Variants in BNC2 observed in about 807,000 individuals in gnomAD.
The protein encoded by BNC2 is zinc finger protein basonuclin-2.
In BNC2, 20 loss-of-function variants were observed where a neutral mutation model predicts 76.3. That is an observed-to-expected ratio of 0.26 (90% CI 0.18 to 0.38). The LOEUF is 0.38. Ranked by LOEUF, BNC2 falls within the 10% of genes least tolerant of loss-of-function variation. BNC2 has a pLI of 1.00. For missense variants in BNC2, 1,382 were observed against 1,399.8 expected (o/e 0.99, Z 0.20); for synonymous variants, 582 against 514.8 (o/e 1.13, Z -1.77).
At chr9:16,862,650 A>G (rs1275994774) in intron 1 of BNC2, among the ~76,000 whole-genome samples, 3 of 152,158 alleles carry the variant, frequency 2.0e-5, no homozygotes, top group Non-Finnish European at 4.4e-5. Context: ...ACTGCCATGT[A>G]TTCCTCTCTC....
chr9:16,434,895 A>G (rs1820973629), intron 6 of BNC2: 1 of 463,954 alleles, frequency 2.2e-6, no homozygotes, highest in Admixed American at 2.3e-5. Flanking sequence ...GTTAAGATAA[A>G]GAAACCCACA....
intron 3 of BNC2, among the ~76,000 whole-genome samples, chr9:16,706,543 T>C (rs1292620461): frequency 6.6e-6 from 1 of 152,158 alleles, no homozygotes; most frequent in Admixed American, 6.5e-5. Context: ...AAATACAAAA[T>C]GATGATCTCA....
intron 3 of BNC2, among the ~76,000 whole-genome samples, chr9:16,723,924 A>G (rs1375532477): frequency 1.3e-5 from 2 of 152,104 alleles, no homozygotes; most frequent in African/African-American, 4.8e-5. Flanking sequence ...AAGCAACTGT[A>G]AGAGAATGTC....
intron 4 of BNC2, among the ~76,000 whole-genome samples, chr9:16,560,209 C>T (rs1440711018): frequency 6.6e-6 from 1 of 152,090 alleles, no homozygotes; most frequent in Non-Finnish European, 1.5e-5. Context: ...CTGGCCAGGA[C>T]CATACTCTGA....
chr9:16,660,180 C>A (rs759903939), intron 3 of BNC2, among the ~76,000 whole-genome samples: 1 of 152,128 alleles, frequency 6.6e-6, no homozygotes, highest in Non-Finnish European at 1.5e-5. Flanking sequence ...TGGGGCCGGG[C>A]GCGGTGGCTC....
chr9:16,771,358 C>G (rs374200243), intron 1 of BNC2, among the ~76,000 whole-genome samples: 36 of 152,174 alleles, frequency 2.4e-4, no homozygotes, highest in African/African-American at 8.0e-4. Context: ...AATAATAAAT[C>G]TTTCAACAGA....
chr9:16,599,832 T>A (rs79429055), intron 3 of BNC2, among the ~76,000 whole-genome samples: 1 of 152,314 alleles, frequency 6.6e-6, no homozygotes, highest in East Asian at 1.9e-4. Flanking sequence ...TACATCTGCA[T>A]TTTTCATTGA....
At chr9:16,779,294 C>T (rs113761172) in intron 1 of BNC2, among the ~76,000 whole-genome samples, 12 of 100,290 alleles carry the variant, frequency 1.2e-4, no homozygotes, top group African/African-American at 4.3e-4. Context: ...ACAGAGAGAC[C>T]CTCTCTCAAA....
chr9:16,415,200 T>A lies in BNC2; in HGVS notation c.*3789A>T, dbSNP rs562410743. On this transcript the variant is annotated 3_prime_UTR_variant, in exon 7 of 7. Transcript: ENST00000380672. ...TTGGGTTGACTTATTTAAATACAAT[T>A]AATATCAGAACAAAGAATGCCAAGG... is the stretch of plus-strand genomic sequence containing the variant. The A allele has an allele frequency of 3.9e-5, 6 of 152,522 alleles. No individual in the cohort carries two copies. Among genetic ancestry groups the A allele is most frequent in the Non-Finnish European group, 8.8e-5 (6 of 68,040 alleles). 9.4% of individuals were successfully genotyped at this position (152,522 alleles called of 1,614,324 possible). A position where few individuals can be genotyped will look rare whatever the true frequency, so the allele number is the denominator to read the frequency against.
In BNC2 at chr9:16,567,960, A is replaced by G. The variant is rs113850549; in HGVS notation, c.433+15023T>C. Among the ~76,000 whole-genome samples, 556 of 152,316 alleles carry G rather than the reference A, an allele frequency of 3.7e-3. 2 individuals are homozygous for G. The highest frequency in any genetic ancestry group is 0.012 in the African/African-American group (519 of 41,570). The stretch of plus-strand genomic sequence containing the variant: ...CTAAATGGAAACCTGTTATTTCACT[A>G]ATTTTCAGTCCTGCCCTGGATATTT... On this transcript the variant is annotated intron_variant, in intron 4 of 6. Coordinates refer to ENST00000380672, the MANE Select transcript of BNC2 (RefSeq NM_017637.6).
rs185803938 is a variant in BNC2, at chr9:16,412,313, T to A, written c.*6676A>T. 1 of 152,740 alleles carries A rather than the reference T, an allele frequency of 6.5e-6. No individual in the cohort carries two copies. Among genetic ancestry groups the A allele is most frequent in the African/African-American group, 2.4e-5 (1 of 41,564 alleles). The allele number at this position is 152,740 out of a possible 1,614,324, so 9.5% of individuals were successfully genotyped here. On this transcript the variant is annotated 3_prime_UTR_variant, in exon 7 of 7. Coordinates refer to ENST00000380672, the MANE Select transcript of BNC2 (RefSeq NM_017637.6). ...GCATTTGTACACCTACGTCCATGGT[T>A]TGATGCCAAGGATAAGAAAAAAAAA... is the stretch of plus-strand genomic sequence containing the variant.
At chr9:16,662,645 A>G (rs921484432) in intron 3 of BNC2, among the ~76,000 whole-genome samples, 17 of 152,192 alleles carry the variant, frequency 1.1e-4, no homozygotes, top group Non-Finnish European at 1.6e-4. Context: ...CTGAGGCAGG[A>G]GAATCATTTA....
At chr9:16,486,828 C>G (rs752172372) in intron 5 of BNC2, among the ~76,000 whole-genome samples, 1 of 151,994 alleles carries the variant, frequency 6.6e-6, no homozygotes, top group Non-Finnish European at 1.5e-5. Flanking sequence ...TGGGCTCAAG[C>G]GATCCTCCTG....
intron 1 of BNC2, among the ~76,000 whole-genome samples, chr9:16,799,890 T>C (rs980841169): frequency 1.3e-5 from 2 of 152,164 alleles, no homozygotes; most frequent in African/African-American, 4.8e-5. Context: ...ACCCTAATTA[T>C]CTTATCAGTG....
intron 3 of BNC2, among the ~76,000 whole-genome samples, chr9:16,706,753 G>T (rs767993053): frequency 6.6e-6 from 1 of 152,048 alleles, no homozygotes; most frequent in Non-Finnish European, 1.5e-5. Context: ...TTCATGAGAG[G>T]ACAGCAATTA....
intron 1 of BNC2, among the ~76,000 whole-genome samples, chr9:16,786,079 C>T (rs1332930012): frequency 6.6e-6 from 1 of 152,114 alleles, no homozygotes; most frequent in African/African-American, 2.4e-5. Flanking sequence ...GTTAAAATTA[C>T]CCATGAAAAT....
At chr9:16,703,411 A>C (rs1823572796) in intron 3 of BNC2, among the ~76,000 whole-genome samples, 1 of 152,174 alleles carries the variant, frequency 6.6e-6, no homozygotes. Flanking sequence ...CTAAAAAACA[A>C]ATCACTAAAA....
At chr9:16,628,334 G>C (rs1821057549) in intron 3 of BNC2, among the ~76,000 whole-genome samples, 1 of 152,150 alleles carries the variant, frequency 6.6e-6, no homozygotes, top group African/African-American at 2.4e-5. Context: ...ATCTTGTTTA[G>C]AGAAAGTTTC....
Position 16,568,975 on chromosome 9 carries a change from A to T in BNC2, c.433+14008T>A, listed in dbSNP as rs184551345. ...AACTGTCAAGGTTGAATTAATTAGG[A>T]TATTTAATACCAAGGCTTGCTTCTA... On this transcript the variant is annotated intron_variant, in intron 4 of 6. Transcript: ENST00000380672. 2.9e-3 allele frequency among the ~76,000 whole-genome samples: 438 copies of T among 151,376 alleles called. 1 individual carries two copies. The highest frequency in any genetic ancestry group is 4.2e-3 in the Admixed American group (64 of 15,190).
Sources: gnomAD v4.1 joint callset for allele counts (sites outside exome capture counted in the v4.1 genomes callset) on GRCh38, gnomAD v4.1.1 for gene constraint, MANE v1.5 for transcripts, NCBI Gene and HGNC (gene_info 2026-07-23, HGNC 2026-07-21) for gene names.